Variants in LRGUK observed in about 807,000 individuals in gnomAD.
LRGUK encodes the protein leucine rich repeats and guanylate kinase domain containing.
A neutral mutation model predicts 76.0 loss-of-function variants in LRGUK; 65 were observed. That is an observed-to-expected ratio of 0.85 (90% CI 0.70 to 1.05). The LOEUF (loss-of-function observed/expected upper bound fraction) is 1.05. Among genes scored for constraint, LRGUK ranks in the 50% least tolerant of loss-of-function variants. The pLI is 0.00. For missense variants in LRGUK, 758 were observed against 732.8 expected, an observed-to-expected ratio of 1.03 and a Z score of -0.40; for synonymous variants, 268 against 265.6, an observed-to-expected ratio of 1.01 and a Z score of -0.09.
chr7:134,200,531 T>C (rs965041024), intron 14 of LRGUK, among the ~76,000 whole-genome samples: 2 of 152,056 alleles, frequency 1.3e-5, no homozygotes, highest in East Asian at 1.9e-4. Flanking sequence ...AAAAGTTCTC[T>C]GGCAGAATCC....
chr7:134,216,042 C>G (rs1801428593), intron 15 of LRGUK, among the ~76,000 whole-genome samples: 1 of 152,068 alleles, frequency 6.6e-6, no homozygotes, highest in Admixed American at 6.6e-5. Flanking sequence ...TTGAAAATTC[C>G]ATTTGCATTA....
At chr7:134,234,987 A>G (rs770043292) in intron 16 of LRGUK, among the ~76,000 whole-genome samples, 3 of 152,122 alleles carry the variant, frequency 2.0e-5, no homozygotes, top group Non-Finnish European at 4.4e-5. Flanking sequence ...ATTATTCTGG[A>G]ATCCAGAATC....
chr7:134,203,151 C>T (rs1458269661), intron 15 of LRGUK, among the ~76,000 whole-genome samples: 1 of 151,676 alleles, frequency 6.6e-6, no homozygotes, highest in South Asian at 2.1e-4. Flanking sequence ...TGCAGCAAGC[C>T]AAGATTGCAC....
Position 134,197,110 on chromosome 7 carries a change from G to C in LRGUK, c.1545+5G>C, listed in dbSNP as rs1800520977. 6.5e-7 allele frequency: 1 copy of C among 1,543,144 alleles called. No individual in the cohort carries two copies. Among genetic ancestry groups the C allele is most frequent in the Non-Finnish European group, 9.0e-7 (1 of 1,115,958 alleles). ...TGTATTCATATGGAAATAGAAGTAA[G>C]TGTTTTCATTCAACCAATTAATGTG... On this transcript the variant is annotated splice_donor_5th_base_variant and intron_variant, in intron 13 of 15. Coordinates refer to ENST00000645682, the Ensembl canonical transcript of LRGUK.
the LRGUK span, among the ~76,000 whole-genome samples, chr7:134,270,447 T>G: frequency 6.6e-6 from 1 of 152,148 alleles, no homozygotes. Context: ...AAAACATTAC[T>G]AATATATTTA....
exon 9 of LRGUK, chr7:134,177,031 T>C (rs748339628): frequency 1.2e-6 from 2 of 1,602,074 alleles, no homozygotes; most frequent in East Asian, 4.5e-5. Flanking sequence ...ATTAACAGAA[T>C]TAGATCAGAA....
exon 20 of LRGUK, chr7:134,264,312 A>G (rs432336): frequency 0.49 from 89,607 of 182,106 alleles, 22,670 homozygotes; most frequent in African/African-American, 0.57. Flanking sequence ...TATCAGATGG[A>G]AAAATCTCCC....
At chr7:134,161,168 T>A (rs1472252194) in intron 6 of LRGUK, among the ~76,000 whole-genome samples, 1 of 152,202 alleles carries the variant, frequency 6.6e-6, no homozygotes, top group African/African-American at 2.4e-5. Context: ...AGAATTACAG[T>A]CTATCTACCA....
At chr7:134,243,024 C>G (rs977323822) in intron 16 of LRGUK, among the ~76,000 whole-genome samples, 1 of 152,136 alleles carries the variant, frequency 6.6e-6, no homozygotes, top group Non-Finnish European at 1.5e-5. Context: ...TAAAAACTGT[C>G]AATAAACTAG....
intron 6 of LRGUK, among the ~76,000 whole-genome samples, chr7:134,161,451 TA>T (rs1307801617): frequency 6.6e-6 from 1 of 152,016 alleles, no homozygotes; most frequent in Non-Finnish European, 1.5e-5. Flanking sequence ...CAAACATATA[TA>T]AAAATAAGAA....
chr7:134,248,876 G>A (rs1802373656), intron 17 of LRGUK, 75 bp from the exon 18 acceptor site: 1 of 1,167,312 alleles, frequency 8.6e-7, no homozygotes, highest in East Asian at 3.1e-5. Context: ...GGGATATTTA[G>A]GTATACATGT....
At chr7:134,147,110 G>A (rs1476833551) in intron 4 of LRGUK, among the ~76,000 whole-genome samples, 1 of 152,002 alleles carries the variant, frequency 6.6e-6, no homozygotes, top group Non-Finnish European at 1.5e-5. Flanking sequence ...GGCATTGCCT[G>A]GAAATAAATA....
the LRGUK span, among the ~76,000 whole-genome samples, chr7:134,270,522 C>T: frequency 6.6e-6 from 1 of 152,022 alleles, no homozygotes; most frequent in Admixed American, 6.5e-5. Context: ...AACCATTATT[C>T]TCAGTTTAGT....
chr7:134,134,526 A>G (rs529239439), intron 1 of LRGUK, among the ~76,000 whole-genome samples: 14 of 152,172 alleles, frequency 9.2e-5, no homozygotes, highest in Non-Finnish European at 1.8e-4. Context: ...GTTATTGTGC[A>G]GAGTGCTGCC....
intron 7 of LRGUK, among the ~76,000 whole-genome samples, chr7:134,170,326 T>C (rs1233357906): frequency 6.6e-6 from 1 of 152,102 alleles, no homozygotes; most frequent in African/African-American, 2.4e-5. Context: ...TCTTTCTCTG[T>C]TCTGAAATCT....
intron 1 of LRGUK, among the ~76,000 whole-genome samples, chr7:134,132,782 A>C (rs1797367877): frequency 6.6e-6 from 1 of 152,212 alleles, no homozygotes; most frequent in Non-Finnish European, 1.5e-5. Flanking sequence ...AGTAGAGAGA[A>C]GGCACAGTCT....
chr7:134,265,811 C>T (rs1210228113), downstream of LRGUK, among the ~76,000 whole-genome samples: 1 of 152,194 alleles, frequency 6.6e-6, no homozygotes, highest in Non-Finnish European at 1.5e-5. Context: ...ACCTATTCCT[C>T]ACCTGGTAAT....
rs1322296958 is a variant in LRGUK, at chr7:134,143,056, C to T, written c.488-6C>T. Reference sequence around the variant, plus strand: ...TACCTTATTCTGTATCTGTTTCCCTCCGTAGATTTATCTTGTGTGAGTTGT... The same window carrying T: ...TACCTTATTCTGTATCTGTTTCCCTTCGTAGATTTATCTTGTGTGAGTTGT... On this transcript the variant is annotated splice_polypyrimidine_tract_variant and splice_region_variant and intron_variant, in intron 3 of 15. Coordinates refer to ENST00000645682, the Ensembl canonical transcript of LRGUK. 1 of 1,485,944 alleles carries T rather than the reference C, an allele frequency of 6.7e-7. No homozygotes were observed. Among genetic ancestry groups the T allele is most frequent in the Non-Finnish European group, 9.4e-7 (1 of 1,064,082 alleles). 92.0% of individuals were successfully genotyped at this position (1,485,944 alleles called of 1,614,324 possible).
intron 18 of LRGUK, among the ~76,000 whole-genome samples, chr7:134,252,600 G>A (rs1802478343): frequency 6.6e-6 from 1 of 152,134 alleles, no homozygotes; most frequent in Admixed American, 6.5e-5. Flanking sequence ...GGGAATGTTG[G>A]TGCCATGTAG....
Sources: allele counts gnomAD v4.1 joint callset (sites outside exome capture counted in the v4.1 genomes callset), GRCh38; gene constraint gnomAD v4.1.1; transcripts MANE v1.5; gene names NCBI Gene and HGNC (gene_info 2026-07-23, HGNC 2026-07-21).